ZNF385B: variants seen among roughly 807,000 people sequenced by gnomAD.
ZNF385B encodes zinc finger protein 385B, also known as zinc finger protein 533.
ZNF385B carries 23 observed loss-of-function variants against 39.2 expected under a neutral mutation model. The observed-to-expected ratio is 0.59, with a 90% CI of 0.42 to 0.83. ZNF385B has a LOEUF of 0.83. Among genes scored for constraint, ZNF385B ranks in the 40% least tolerant of loss-of-function variants. The pLI is 0.00. For missense variants in ZNF385B, 552 were observed against 598.9 expected (o/e 0.92, Z 0.82); for synonymous variants, 205 against 222.6 (o/e 0.92, Z 0.70).
intron 1 of ZNF385B, among the ~76,000 whole-genome samples, chr2:179,835,361 A>G (rs1010973676): frequency 2.0e-5 from 3 of 152,114 alleles, no homozygotes; most frequent in African/African-American, 7.2e-5. Context: ...GGGCAGGGGG[A>G]AGGTGGAAAC....
intron 3 of ZNF385B, among the ~76,000 whole-genome samples, chr2:179,767,076 AGGACTAACAC>A (rs1703744433): frequency 6.6e-6 from 1 of 152,192 alleles, no homozygotes; most frequent in African/African-American, 2.4e-5. Context: ...CAATCTTGCC[AGGACTAACAC>A]AGTGTGGAAG....
Position 179,760,223 on chromosome 2 carries a change from C to CACGTGTGT in ZNF385B, c.298+9279_298+9280insACACACGT, listed in dbSNP as rs1553525686. Among the ~76,000 whole-genome samples the CACGTGTGT allele has an allele frequency of 8.0e-4, 115 of 144,548 alleles. 1 individual carries two copies. Among genetic ancestry groups the CACGTGTGT allele is most frequent in the African/African-American group, 2.8e-3 (110 of 39,208 alleles). 94.8% of individuals were successfully genotyped at this position (144,548 alleles called of 152,430 possible). Reference sequence around the variant, plus strand: ...CCAGTATTACCTGGATTCCTGTGTGCGTGTGTGTGTGTGTGTGTGTGTGTG... The same window carrying CACGTGTGT: ...CCAGTATTACCTGGATTCCTGTGTGCACGTGTGTGTGTGTGTGTGTGTGTGTGTGTGTG... On this transcript the variant is annotated intron_variant, in intron 3 of 9. Transcript: ENST00000410066.
intron 5 of ZNF385B, among the ~76,000 whole-genome samples, chr2:179,496,361 G>A (rs2056208222): frequency 6.6e-6 from 1 of 152,076 alleles, no homozygotes; most frequent in African/African-American, 2.4e-5. Context: ...AGCCTCGAAA[G>A]GGCAAATCTA....
chr2:179,544,190 A>G (rs893601690), intron 4 of ZNF385B, among the ~76,000 whole-genome samples: 2 of 152,218 alleles, frequency 1.3e-5, no homozygotes, highest in African/African-American at 4.8e-5. Flanking sequence ...TCATTCAAAT[A>G]AAAGAAGGTC....
chr2:179,837,916 AT>A (rs1389539646), intron 1 of ZNF385B, among the ~76,000 whole-genome samples: 58 of 152,326 alleles, frequency 3.8e-4, no homozygotes, highest in African/African-American at 1.3e-3. Flanking sequence ...AACCAAAAAA[AT>A]AAGCTGCATT....
At chr2:179,562,826 A>C (rs1336329916) in intron 3 of ZNF385B, among the ~76,000 whole-genome samples, 1 of 152,182 alleles carries the variant, frequency 6.6e-6, no homozygotes, top group African/African-American at 2.4e-5. Context: ...TCTACTTATC[A>C]CAACAGTTTG....
chr2:179,717,417 G>A (rs1700399204), intron 3 of ZNF385B, among the ~76,000 whole-genome samples: 1 of 152,172 alleles, frequency 6.6e-6, no homozygotes, highest in Non-Finnish European at 1.5e-5. Context: ...GGGAGGGAGA[G>A]AGGGAGAGAC....
At chr2:179,482,901 A>G (rs1286642954) in intron 6 of ZNF385B, among the ~76,000 whole-genome samples, 1 of 152,130 alleles carries the variant, frequency 6.6e-6, no homozygotes, top group Non-Finnish European at 1.5e-5. Context: ...AAAAGTCTAT[A>G]GTAAAAAACA....
chr2:179,832,507 T>C (rs967637822), intron 1 of ZNF385B, among the ~76,000 whole-genome samples: 2 of 152,180 alleles, frequency 1.3e-5, no homozygotes, highest in African/African-American at 4.8e-5. Context: ...AAAATAATTA[T>C]TAGGTTTTAG....
intron 3 of ZNF385B, among the ~76,000 whole-genome samples, chr2:179,633,504 C>A (rs890773095): frequency 1.1e-4 from 16 of 152,158 alleles, no homozygotes; most frequent in African/African-American, 3.6e-4. Flanking sequence ...ATTCAGCAGA[C>A]CTTCATGCTA....
At chr2:179,826,242 T>C (rs181741770) in intron 1 of ZNF385B, among the ~76,000 whole-genome samples, 238 of 152,200 alleles carry the variant, frequency 1.6e-3, no homozygotes, top group South Asian at 3.3e-3. Flanking sequence ...TTTCGAAAGG[T>C]ATCGGGAAGG....
intron 3 of ZNF385B, among the ~76,000 whole-genome samples, chr2:179,681,993 G>A (rs1697556136): frequency 6.6e-6 from 1 of 152,168 alleles, no homozygotes; most frequent in African/African-American, 2.4e-5. Context: ...GCATTTGGCT[G>A]GGCAAACCAA....
intron 1 of ZNF385B, among the ~76,000 whole-genome samples, chr2:179,794,523 T>C (rs1257928813): frequency 6.6e-6 from 1 of 152,164 alleles, no homozygotes; most frequent in African/African-American, 2.4e-5. Context: ...ACTCTAAAAT[T>C]CTCTCGTCAT....
intron 6 of ZNF385B, among the ~76,000 whole-genome samples, chr2:179,470,761 T>A (rs1297832724): frequency 1.3e-5 from 2 of 152,144 alleles, no homozygotes; most frequent in Non-Finnish European, 2.9e-5. Context: ...TGTTCTGTCA[T>A]AAAAAAGGTA....
chr2:179,588,630 T>G (rs991693759), intron 3 of ZNF385B, among the ~76,000 whole-genome samples: 24 of 152,084 alleles, frequency 1.6e-4, no homozygotes, highest in Admixed American at 2.6e-4. Flanking sequence ...AACCACTCAT[T>G]TATCATATGC....
intron 1 of ZNF385B, chr2:179,860,806 G>C (rs768664430): frequency 2.2e-6 from 1 of 465,070 alleles, no homozygotes; most frequent in African/African-American, 2.0e-5. Context: ...TTGGGAATTG[G>C]AGCCTACCCT....
intron 3 of ZNF385B, among the ~76,000 whole-genome samples, chr2:179,705,057 A>T (rs768716165): frequency 5.3e-5 from 8 of 151,774 alleles, no homozygotes; most frequent in Non-Finnish European, 7.4e-5. Context: ...TATCTCATTC[A>T]TAAATCTATT....
At chr2:179,723,422 A>G (rs1177010523) in intron 3 of ZNF385B, among the ~76,000 whole-genome samples, 1 of 152,200 alleles carries the variant, frequency 6.6e-6, no homozygotes, top group African/African-American at 2.4e-5. Context: ...TCAGTAGAAT[A>G]TATAAATAAA....
chr2:179,725,759 G>A (rs902831436), intron 3 of ZNF385B, among the ~76,000 whole-genome samples: 1 of 151,132 alleles, frequency 6.6e-6, no homozygotes, highest in African/African-American at 2.4e-5. Flanking sequence ...CAATGACTAT[G>A]TTCCAACTGA....
Sources: allele counts gnomAD v4.1 joint callset (sites outside exome capture counted in the v4.1 genomes callset), GRCh38; gene constraint gnomAD v4.1.1; transcripts MANE v1.5; gene names NCBI Gene and HGNC (gene_info 2026-07-23, HGNC 2026-07-21).